CNTNAP5: variants seen among roughly 807,000 people sequenced by gnomAD.
The protein encoded by CNTNAP5 is contactin associated protein family member 5.
Under a neutral mutation model 150.2 loss-of-function variants are expected in CNTNAP5, and 72 were observed. The observed-to-expected ratio is 0.48, with a 90% CI of 0.40 to 0.58. CNTNAP5 has a LOEUF of 0.58. Ranked by LOEUF, CNTNAP5 falls within the 20% of genes least tolerant of loss-of-function variation. The pLI is 0.00. For missense variants in CNTNAP5, 1,636 were observed against 1,626.2 expected, an observed-to-expected ratio of 1.01 and a Z score of -0.10; for synonymous variants, 672 against 619.8, an observed-to-expected ratio of 1.08 and a Z score of -1.25.
intron 1 of CNTNAP5, among the ~76,000 whole-genome samples, chr2:124,164,660 G>A (rs11687196): frequency 0.081 from 12,350 of 152,154 alleles, 686 homozygotes; most frequent in Non-Finnish European, 0.13. Context: ...TTGGAAATAC[G>A]GAAGAGAAAG....
At chr2:124,514,060 A>G (rs189031259) in intron 8 of CNTNAP5, among the ~76,000 whole-genome samples, 2 of 152,358 alleles carry the variant, frequency 1.3e-5, no homozygotes, top group African/African-American at 4.8e-5. Flanking sequence ...AGGGCAAAAA[A>G]GTGGATAGCC....
intron 14 of CNTNAP5, among the ~76,000 whole-genome samples, chr2:124,753,392 T>G (rs1272301890): frequency 6.6e-6 from 1 of 152,168 alleles, no homozygotes; most frequent in Non-Finnish European, 1.5e-5. Flanking sequence ...GTTAGACAGA[T>G]TTTTACCAAT....
intron 6 of CNTNAP5, among the ~76,000 whole-genome samples, chr2:124,457,065 G>A (rs931260485): frequency 2.1e-4 from 32 of 151,806 alleles, no homozygotes; most frequent in African/African-American, 7.7e-4. Context: ...ATAAATAGCT[G>A]GAACTTAATT....
At chr2:124,112,186 A>T (rs1490081346) in intron 1 of CNTNAP5, among the ~76,000 whole-genome samples, 1 of 152,180 alleles carries the variant, frequency 6.6e-6, no homozygotes, top group Non-Finnish European at 1.5e-5. Context: ...CTGACTATTA[A>T]TTTTAGCTTG....
At chr2:124,792,861 T>G (rs530287878) in intron 18 of CNTNAP5, among the ~76,000 whole-genome samples, 3 of 152,352 alleles carry the variant, frequency 2.0e-5, no homozygotes, top group Admixed American at 1.3e-4. Context: ...CATCATTACT[T>G]TATTCCTTTT....
At chr2:124,119,427 C>T (rs1683508203) in intron 1 of CNTNAP5, among the ~76,000 whole-genome samples, 1 of 150,000 alleles carries the variant, frequency 6.7e-6, no homozygotes. Flanking sequence ...AATTACTAGG[C>T]ACTTAGTATG....
intron 11 of CNTNAP5, among the ~76,000 whole-genome samples, chr2:124,586,986 G>T (rs74468364): frequency 0.21 from 31,849 of 152,088 alleles, 4,366 homozygotes; most frequent in East Asian, 0.68. Context: ...CTGCTGAATG[G>T]TGAGTGGACT....
intron 3 of CNTNAP5, among the ~76,000 whole-genome samples, chr2:124,327,103 C>T (rs987030224): frequency 8.0e-5 from 12 of 150,940 alleles, no homozygotes; most frequent in Admixed American, 3.3e-4. Flanking sequence ...GCCTCAGCCT[C>T]CCAAGTAGCG....
At chr2:124,463,362 G>C (rs1216350532) in intron 6 of CNTNAP5, among the ~76,000 whole-genome samples, 1 of 152,148 alleles carries the variant, frequency 6.6e-6, no homozygotes, top group Non-Finnish European at 1.5e-5. Flanking sequence ...TTTAGAGAAA[G>C]GAACTGTAGG....
At chr2:124,664,900 T>C (rs761343463) in intron 13 of CNTNAP5, among the ~76,000 whole-genome samples, 7 of 152,192 alleles carry the variant, frequency 4.6e-5, no homozygotes, top group Non-Finnish European at 8.8e-5. Context: ...TTGGCCAGGC[T>C]GGTCTCGATC....
intron 1 of CNTNAP5, among the ~76,000 whole-genome samples, chr2:124,129,412 G>C (rs1287095557): frequency 2.6e-5 from 4 of 152,036 alleles, no homozygotes; most frequent in Admixed American, 2.6e-4. Flanking sequence ...AGAACTGTGT[G>C]GCCAAGATCA....
At chr2:124,053,659 A>G (rs1681769656) in intron 1 of CNTNAP5, among the ~76,000 whole-genome samples, 2 of 152,172 alleles carry the variant, frequency 1.3e-5, no homozygotes, top group African/African-American at 4.8e-5. Flanking sequence ...TTACATAAAC[A>G]CCTAGTACAG....
intron 10 of CNTNAP5, among the ~76,000 whole-genome samples, chr2:124,555,824 G>A (rs887276942): frequency 6.6e-6 from 1 of 152,180 alleles, no homozygotes; most frequent in Non-Finnish European, 1.5e-5. Flanking sequence ...CAAACTAGAA[G>A]CGAAGAGGGA....
intron 3 of CNTNAP5, among the ~76,000 whole-genome samples, chr2:124,350,541 T>A (rs1689851876): frequency 6.6e-6 from 1 of 151,888 alleles, no homozygotes; most frequent in African/African-American, 2.4e-5. Context: ...TTCAATAAAT[T>A]TACTCAAATA....
chr2:124,607,861 G>T (rs12466900), intron 11 of CNTNAP5, among the ~76,000 whole-genome samples: 220 of 152,044 alleles, frequency 1.4e-3, no homozygotes, highest in Middle Eastern at 3.4e-3. Context: ...AAACACCCAA[G>T]GGCATTATCA....
chr2:124,411,496 T>G (rs377044341), intron 3 of CNTNAP5, among the ~76,000 whole-genome samples: 1,916 of 147,130 alleles, frequency 0.013, 37 homozygotes, highest in African/African-American at 0.044. Context: ...ACTGGGAAAA[T>G]GAATCCAGCA....
chr2:124,909,826 C>CATATATATAT (rs368913883), intron 22 of CNTNAP5, among the ~76,000 whole-genome samples: 5,893 of 74,200 alleles, frequency 0.079, 421 homozygotes, highest in Non-Finnish European at 0.086. Flanking sequence ...CAATTGGTGA[C>CATATATATAT]ATATATATAT....
At chr2:124,900,812 T>C (rs1212969260) in intron 21 of CNTNAP5, among the ~76,000 whole-genome samples, 1 of 151,614 alleles carries the variant, frequency 6.6e-6, no homozygotes, top group Admixed American at 6.6e-5. Context: ...TTTATGCTCC[T>C]CTTCCCTTGT....
At chr2:124,737,431 G>A (rs1000322695) in intron 13 of CNTNAP5, among the ~76,000 whole-genome samples, 1 of 152,162 alleles carries the variant, frequency 6.6e-6, no homozygotes. Flanking sequence ...GACGGGTTCA[G>A]GCAGAGAGCA....
Sources: allele counts gnomAD v4.1 joint callset (sites outside exome capture counted in the v4.1 genomes callset), GRCh38; gene constraint gnomAD v4.1.1; transcripts MANE v1.5; gene names NCBI Gene and HGNC (gene_info 2026-07-23, HGNC 2026-07-21).